AMZ2: variants seen among roughly 807,000 people sequenced by gnomAD.
AMZ2 encodes archaemetzincin-2.
In AMZ2, 26 loss-of-function variants were observed where a neutral mutation model predicts 36.7. That is an observed-to-expected ratio of 0.71 (90% CI 0.52 to 0.98). The LOEUF (loss-of-function observed/expected upper bound fraction) is 0.98. Among genes scored for constraint, AMZ2 ranks in the 50% least tolerant of loss-of-function variants. AMZ2 has a pLI of 0.00. For synonymous variants in AMZ2, 144 were observed against 149.1 expected, an observed-to-expected ratio of 0.97 and a Z score of 0.25; for missense variants, 394 against 430.5, an observed-to-expected ratio of 0.92 and a Z score of 0.75.
chr17:68,225,654 G>A (rs1314391320), intron 1 of AMZ2, among the ~76,000 whole-genome samples: 1 of 151,730 alleles, frequency 6.6e-6, no homozygotes, highest in Non-Finnish European at 1.5e-5. Context: ...TATTTTTTGA[G>A]ATAGAGTCTC....
intron 1 of AMZ2, among the ~76,000 whole-genome samples, chr17:68,240,284 A>G (rs1296528093): frequency 5.9e-5 from 9 of 152,192 alleles, no homozygotes; most frequent in Non-Finnish European, 8.8e-5. Context: ...TACAAATACT[A>G]TCACATTGGG....
chr17:68,214,390 T>C (rs183316055), intron 1 of AMZ2, among the ~76,000 whole-genome samples: 63 of 152,258 alleles, frequency 4.1e-4, no homozygotes, highest in African/African-American at 1.4e-3. Context: ...GGTGGCTGAG[T>C]GGTGGAAGAA....
At chr17:68,253,586 A>T (rs2074655349) in intron 4 of AMZ2, among the ~76,000 whole-genome samples, 1 of 152,108 alleles carries the variant, frequency 6.6e-6, no homozygotes. Context: ...GAAGGGGACG[A>T]GGTTATTCTG....
chr17:68,254,688 G>T, intron 5 of AMZ2, 121 bp downstream of exon 5: 1 of 914,052 alleles, frequency 1.1e-6, no homozygotes, highest in Non-Finnish European at 1.6e-6. Flanking sequence ...GTATAATTTT[G>T]GTGCATAGTG....
In AMZ2 at chr17:68,223,127, G is replaced by A. The variant is rs73343439; in HGVS notation, c.-67+16889G>A. On this transcript the variant is annotated intron_variant, in intron 1 of 7. Coordinates refer to the AMZ2 transcript ENST00000674770. The stretch of plus-strand genomic sequence containing the variant: ...GCAAGTGGTAAGATATTAATTGTCC[G>A]TTATTCTAAGGTGTTCATGATTCTC... Among the ~76,000 whole-genome samples the A allele has an allele frequency of 2.2e-3, 337 of 152,286 alleles. 1 individual carries two copies. Among genetic ancestry groups the A allele is most frequent in the African/African-American group, 6.7e-3 (277 of 41,564 alleles).
chr17:68,217,436 C>T (rs1251153500), intron 1 of AMZ2, among the ~76,000 whole-genome samples: 2 of 152,120 alleles, frequency 1.3e-5, no homozygotes, highest in Admixed American at 1.3e-4. Context: ...TGATTTCAGG[C>T]AAATAGGATT....
chr17:68,254,632 T>C (rs1409623481), intron 5 of AMZ2, 65 bp downstream of exon 5: 3 of 1,363,824 alleles, frequency 2.2e-6, no homozygotes, highest in Non-Finnish European at 1.0e-6. Context: ...GTAAACTGTA[T>C]ATTGTCAGTC....
intron 1 of AMZ2, among the ~76,000 whole-genome samples, chr17:68,226,736 A>G (rs371313610): frequency 1.7e-4 from 26 of 152,260 alleles, no homozygotes; most frequent in African/African-American, 4.6e-4. Flanking sequence ...ACTGTCTTCA[A>G]TAGCAAGGAT....
intron 1 of AMZ2, among the ~76,000 whole-genome samples, chr17:68,231,717 C>T (rs1297836574): frequency 6.6e-6 from 1 of 151,942 alleles, no homozygotes; most frequent in Non-Finnish European, 1.5e-5. Flanking sequence ...CTTCTTGAAA[C>T]TGTGGATAGG....
intron 1 of AMZ2, among the ~76,000 whole-genome samples, chr17:68,224,134 G>A (rs2073447552): frequency 1.3e-5 from 2 of 152,120 alleles, no homozygotes; most frequent in Non-Finnish European, 2.9e-5. Flanking sequence ...GTAGAGACGG[G>A]GTTTTGCCAT....
chr17:68,210,046 G>A (rs1430035264), intron 1 of AMZ2, among the ~76,000 whole-genome samples: 1 of 152,162 alleles, frequency 6.6e-6, no homozygotes, highest in African/African-American at 2.4e-5. Flanking sequence ...AAAAAGTGTT[G>A]GGGAGGATTT....
chr17:68,232,181 A>G (rs1555731417), intron 1 of AMZ2, among the ~76,000 whole-genome samples: 1 of 150,234 alleles, frequency 6.7e-6, no homozygotes, highest in Non-Finnish European at 1.5e-5. Flanking sequence ...CTTGTAAGGT[A>G]CCTTAAGAAC....
chr17:68,256,848 A>G lies in AMZ2; in HGVS notation c.962A>G (p.Asp321Gly), dbSNP rs781974052. ...LVRWIDDESSDTPGATPEHSH... is the reference protein window; with the variant it reads ...LVRWIDDESSGTPGATPEHSH... ...AGGTGGATTGATGATGAATCTTCTGACACACCTGGAGCAACTCCAGAACAC... is the reference window on the plus strand; with the variant it reads ...AGGTGGATTGATGATGAATCTTCTGGCACACCTGGAGCAACTCCAGAACAC... Residue 321 changes from aspartate (D) to glycine (G), a missense_variant, in exon 7 of 7, where the codon GAC becomes GGC. Asp to Gly is a moderately conservative substitution (Grantham distance 94). Transcript: ENST00000359904. 2.5e-6 allele frequency: 4 copies of G among 1,613,896 alleles called. No individual in the cohort carries two copies. Among genetic ancestry groups the G allele is most frequent in the South Asian group, 2.2e-5 (2 of 91,002 alleles).
At chr17:68,226,304 C>A (rs1400958559) in intron 1 of AMZ2, among the ~76,000 whole-genome samples, 2 of 152,186 alleles carry the variant, frequency 1.3e-5, no homozygotes, top group Non-Finnish European at 2.9e-5. Context: ...TTAAGAGTTA[C>A]GTGAGAGGCT....
At chr17:68,219,349 A>G (rs542748980) in intron 1 of AMZ2, among the ~76,000 whole-genome samples, 28 of 151,748 alleles carry the variant, frequency 1.8e-4, no homozygotes, top group African/African-American at 5.6e-4. Context: ...CACACCTCTC[A>G]CCTCTTCTGT....
intron 1 of AMZ2, among the ~76,000 whole-genome samples, chr17:68,229,323 G>A (rs538136741): frequency 3.2e-4 from 49 of 152,198 alleles, no homozygotes; most frequent in African/African-American, 1.1e-3. Flanking sequence ...CAGCCCGGGT[G>A]CCTGTCCCCA....
chr17:68,251,076 A>G lies in AMZ2; in HGVS notation c.484A>G (p.Lys162Glu). Residue 162 changes from lysine to glutamate, a missense_variant, in exon 4 of 7, where the codon AAG becomes GAG. Lys to Glu is a moderately conservative substitution (Grantham distance 56). Transcript: ENST00000359904. Reference protein sequence around the residue: ...AGDILKFLKKKKPEDAFCVVG... With the variant: ...AGDILKFLKKEKPEDAFCVVG... ...GGACATCCTGAAGTTCTTGAAAAAG[A>G]AGAAACCTGAAGATGCCTTCTGTGT... 6.2e-7 allele frequency: 1 copy of G among 1,611,226 alleles called. No individual in the cohort carries two copies. The highest frequency in any genetic ancestry group is 8.5e-7 in the Non-Finnish European group (1 of 1,179,346).
chr17:68,236,750 AT>A (rs2073798677), intron 1 of AMZ2, among the ~76,000 whole-genome samples: 1 of 150,430 alleles, frequency 6.6e-6, no homozygotes, highest in African/African-American at 2.4e-5. Context: ...TTTTTTTTTT[AT>A]ATATATTTTA....
chr17:68,211,788 ATGTATATATG>A (rs1391010573), intron 1 of AMZ2, among the ~76,000 whole-genome samples: 5 of 79,534 alleles, frequency 6.3e-5, no homozygotes, highest in African/African-American at 3.9e-4. Flanking sequence ...ATATATGTAT[ATGTATATATG>A]TGTATATGTA....
Sources: gnomAD v4.1 joint callset for allele counts (sites outside exome capture counted in the v4.1 genomes callset) on GRCh38, gnomAD v4.1.1 for gene constraint, MANE v1.5 for transcripts, NCBI Gene and HGNC (gene_info 2026-07-23, HGNC 2026-07-21) for gene names.